AQP7B: variants seen among roughly 807,000 people sequenced by gnomAD.
The protein encoded by AQP7B is putative aquaporin-7B.
chr2:94,588,010 G>A, the AQP7B span, among the ~76,000 whole-genome samples: 1 of 152,070 alleles, frequency 6.6e-6, no homozygotes, highest in African/African-American at 2.4e-5. Flanking sequence ...ATTTTTGGGT[G>A]AGGTACACGG....
At chr2:94,602,498 G>A in the AQP7B span, 73 of 1,604,722 alleles carry the variant, frequency 4.5e-5, 1 homozygote, top group East Asian at 1.1e-3. Context: ...GTAGGTATTC[G>A]GCCTTGGTTC....
the AQP7B span, among the ~76,000 whole-genome samples, chr2:94,593,075 G>A: frequency 2.5e-3 from 379 of 151,880 alleles, 1 homozygote; most frequent in African/African-American, 8.8e-3. Flanking sequence ...CGATCAGCTC[G>A]CCTCGGCAAG....
At chr2:94,597,612 G>A in the AQP7B span, among the ~76,000 whole-genome samples, 1 of 127,644 alleles carries the variant, frequency 7.8e-6, no homozygotes, top group Non-Finnish European at 1.7e-5. Context: ...AGTCTTTTTT[G>A]TTTTTTTTTT....
chr2:94,592,444 G>C, the AQP7B span, among the ~76,000 whole-genome samples: 1 of 152,144 alleles, frequency 6.6e-6, no homozygotes, highest in Non-Finnish European at 1.5e-5. Flanking sequence ...GGGGGATGCA[G>C]AGTTGCGTGG....
At chr2:94,591,802 T>A in the AQP7B span, among the ~76,000 whole-genome samples, 7 of 152,096 alleles carry the variant, frequency 4.6e-5, no homozygotes, top group South Asian at 1.2e-3. Context: ...CAGCCTTCTT[T>A]TCTTGACCTA....
chr2:94,602,847 C>T, the AQP7B span, among the ~76,000 whole-genome samples: 1 of 152,186 alleles, frequency 6.6e-6, no homozygotes, highest in African/African-American at 2.4e-5. Context: ...CAAGCCATCG[C>T]CTTCTGTGTT....
chr2:94,594,910 A>C, the AQP7B span: 1 of 1,256,558 alleles, frequency 8.0e-7, no homozygotes, highest in Non-Finnish European at 1.2e-6. Context: ...GTGGGGCTCC[A>C]CCAGGGCTGT....
chr2:94,601,154 T>C, the AQP7B span, among the ~76,000 whole-genome samples: 80 of 152,358 alleles, frequency 5.3e-4, no homozygotes, highest in Admixed American at 1.0e-3. Context: ...ACTGCCTGGA[T>C]TTAATCCTGG....
At chr2:94,604,598 C>G in the AQP7B span, 1 of 1,536,138 alleles carries the variant, frequency 6.5e-7, no homozygotes, top group Non-Finnish European at 8.8e-7. Flanking sequence ...TGATCCCATC[C>G]CTTCCCCAAT....
chr2:94,590,499 G>C, the AQP7B span, among the ~76,000 whole-genome samples: 1 of 152,130 alleles, frequency 6.6e-6, no homozygotes, highest in Non-Finnish European at 1.5e-5. Flanking sequence ...ACAAATGTTT[G>C]TTGAATGAAG....
At chr2:94,589,921 C>A in the AQP7B span, among the ~76,000 whole-genome samples, 99,022 of 151,418 alleles carry the variant, frequency 0.65, 36,271 homozygotes, top group South Asian at 0.84. Flanking sequence ...CCTAAAATAT[C>A]TAGAATGTGC....
chr2:94,593,901 T>C, the AQP7B span, among the ~76,000 whole-genome samples: 1 of 152,148 alleles, frequency 6.6e-6, no homozygotes, highest in African/African-American at 2.4e-5. Flanking sequence ...CATCTACCTT[T>C]CCATCTAACC....
the AQP7B span, chr2:94,603,003 C>T: frequency 9.5e-6 from 15 of 1,577,276 alleles, no homozygotes; most frequent in Admixed American, 1.8e-5. Context: ...TTGTTCTGCT[C>T]TCACTCCCTG....
At chr2:94,604,427 G>T in the AQP7B span, 1 of 1,611,546 alleles carries the variant, frequency 6.2e-7, no homozygotes, top group Non-Finnish European at 8.5e-7. Context: ...GGCGTATGAA[G>T]ACCACGGGAT....
At chr2:94,603,618 G>C in the AQP7B span, 5 of 1,319,892 alleles carry the variant, frequency 3.8e-6, no homozygotes, top group African/African-American at 7.4e-5. Flanking sequence ...GTACTGAGAC[G>C]TCTCTCTGCT....
At chr2:94,594,145 C>T in the AQP7B span, among the ~76,000 whole-genome samples, 2 of 152,220 alleles carry the variant, frequency 1.3e-5, no homozygotes, top group Non-Finnish European at 2.9e-5. Context: ...CTCTCACAAA[C>T]CTCTGTTTGC....
At chr2:94,588,824 C>A in the AQP7B span, among the ~76,000 whole-genome samples, 1 of 151,800 alleles carries the variant, frequency 6.6e-6, no homozygotes, top group Admixed American at 6.6e-5. Flanking sequence ...CAGCACCTCT[C>A]ACCCTCTCAG....
the AQP7B span, among the ~76,000 whole-genome samples, chr2:94,587,761 G>C: frequency 1.3e-5 from 2 of 152,134 alleles, no homozygotes; most frequent in East Asian, 3.9e-4. Flanking sequence ...TGGACCACAG[G>C]GGGAGGCGTG....
At chr2:94,592,883 G>C in the AQP7B span, among the ~76,000 whole-genome samples, 1 of 130,038 alleles carries the variant, frequency 7.7e-6, no homozygotes, top group African/African-American at 2.8e-5. Context: ...GAGTGCAGTG[G>C]TGTGATCTCA....
Sources: gnomAD v4.1 joint callset for allele counts (sites outside exome capture counted in the v4.1 genomes callset) on GRCh38, gnomAD v4.1.1 for gene constraint, MANE v1.5 for transcripts, NCBI Gene and HGNC (gene_info 2026-07-23, HGNC 2026-07-21) for gene names.